Variants in GALNT13 observed in about 807,000 individuals in gnomAD.
GALNT13 encodes the protein polypeptide N-acetylgalactosaminyltransferase 13.
GALNT13 carries 28 observed loss-of-function variants against 64.2 expected under a neutral mutation model. That is an observed-to-expected ratio of 0.44 (90% CI 0.32 to 0.60). GALNT13 has a LOEUF of 0.60. GALNT13 is among the 20% of genes least tolerant of loss of function. GALNT13 has a pLI of 0.05. For missense variants in GALNT13, 577 were observed against 669.8 expected, an observed-to-expected ratio of 0.86 and a Z score of 1.53; for synonymous variants, 214 against 224.6, an observed-to-expected ratio of 0.95 and a Z score of 0.42.
the GALNT13 span, among the ~76,000 whole-genome samples, chr2:153,728,282 A>C: frequency 6.6e-6 from 1 of 152,324 alleles, no homozygotes. Flanking sequence ...GCTGAGTCAA[A>C]TGGTATTTCT....
At chr2:153,917,704 G>A (rs59011906) in intron 2 of GALNT13, among the ~76,000 whole-genome samples, 11,833 of 152,086 alleles carry the variant, frequency 0.078, 772 homozygotes, top group African/African-American at 0.17. Context: ...AAAAAATAGA[G>A]CTACCACACA....
At chr2:153,935,582 G>A (rs1474944834) in intron 2 of GALNT13, among the ~76,000 whole-genome samples, 1 of 152,190 alleles carries the variant, frequency 6.6e-6, no homozygotes, top group Non-Finnish European at 1.5e-5. Flanking sequence ...TGTTTAGGTG[G>A]GAGGAAGGGT....
chr2:154,135,988 C>T lies in GALNT13; in HGVS notation c.143-4349C>T, dbSNP rs567950023. Among the ~76,000 whole-genome samples the T allele has an allele frequency of 2.0e-5, 3 of 152,208 alleles. No homozygotes were observed. In the East Asian group the frequency reaches 5.8e-4, roughly 29 times the overall value. On this transcript the variant is annotated intron_variant, in intron 3 of 12. Transcript: ENST00000392825. ...AAAACCAGTATGGTTTTCTTATCTT[C>T]TGAGTCATCTATAAACAGATAATTG...
At chr2:154,392,183 G>A (rs550971009) in intron 9 of GALNT13, among the ~76,000 whole-genome samples, 272 of 152,292 alleles carry the variant, frequency 1.8e-3, no homozygotes, top group Non-Finnish European at 2.2e-3. Flanking sequence ...TGCACTGGAA[G>A]TCAATCACCA....
chr2:153,385,370 C>T, the GALNT13 span, among the ~76,000 whole-genome samples: 1 of 151,996 alleles, frequency 6.6e-6, no homozygotes, highest in Non-Finnish European at 1.5e-5. Context: ...GGAATGAGAT[C>T]CAGTCATTTG....
chr2:154,013,187 A>C (rs939815436), intron 3 of GALNT13, among the ~76,000 whole-genome samples: 13 of 151,076 alleles, frequency 8.6e-5, no homozygotes, highest in African/African-American at 2.7e-4. Context: ...GATGTTCTTT[A>C]ATCTTTGAAG....
At chr2:153,824,999 T>C in the GALNT13 span, among the ~76,000 whole-genome samples, 1 of 152,208 alleles carries the variant, frequency 6.6e-6, no homozygotes, top group Non-Finnish European at 1.5e-5. Flanking sequence ...TACCCAGTTC[T>C]TTTCTTTATA....
chr2:153,613,129 A>G, the GALNT13 span, among the ~76,000 whole-genome samples: 2 of 152,148 alleles, frequency 1.3e-5, no homozygotes, highest in African/African-American at 2.4e-5. Context: ...AAAGCACCCT[A>G]ACTGATACAG....
At chr2:153,338,789 C>A in the GALNT13 span, among the ~76,000 whole-genome samples, 1 of 152,132 alleles carries the variant, frequency 6.6e-6, no homozygotes, top group African/African-American at 2.4e-5. Context: ...TGCCCCTCGC[C>A]CTTGGCCTCT....
chr2:154,114,833 G>A (rs1340088653), intron 3 of GALNT13, among the ~76,000 whole-genome samples: 1 of 152,176 alleles, frequency 6.6e-6, no homozygotes, highest in African/African-American at 2.4e-5. Flanking sequence ...ACAAGTCAGA[G>A]TATTTTTAAT....
the GALNT13 span, among the ~76,000 whole-genome samples, chr2:153,106,543 A>T: frequency 2.0e-5 from 3 of 152,154 alleles, no homozygotes; most frequent in African/African-American, 7.2e-5. Flanking sequence ...AATAAAAATG[A>T]TGCAGTCCAT....
chr2:153,790,420 G>A, the GALNT13 span, among the ~76,000 whole-genome samples: 23 of 151,570 alleles, frequency 1.5e-4, no homozygotes, highest in African/African-American at 5.3e-4. Context: ...TTAAAAAACT[G>A]TCAATAAACT....
At chr2:153,220,212 C>T in the GALNT13 span, among the ~76,000 whole-genome samples, 2 of 152,150 alleles carry the variant, frequency 1.3e-5, no homozygotes, top group African/African-American at 4.8e-5. Flanking sequence ...GCTCTCTCCA[C>T]CCACCAGGAA....
At chr2:153,510,839 G>T in the GALNT13 span, among the ~76,000 whole-genome samples, 2 of 151,928 alleles carry the variant, frequency 1.3e-5, no homozygotes, top group Admixed American at 6.6e-5. Flanking sequence ...GAGAGCCGTG[G>T]TGTAGGTTTC....
the GALNT13 span, among the ~76,000 whole-genome samples, chr2:153,194,123 T>G: frequency 6.6e-6 from 1 of 152,174 alleles, no homozygotes; most frequent in Non-Finnish European, 1.5e-5. Context: ...CCTTTATCTG[T>G]ATGTCTAAAT....
At chr2:153,772,555 T>C in the GALNT13 span, among the ~76,000 whole-genome samples, 6 of 152,320 alleles carry the variant, frequency 3.9e-5, no homozygotes, top group East Asian at 1.2e-3. Context: ...TGAATTCTCA[T>C]TTTCCTTCTT....
In GALNT13 at chr2:154,244,679, G is replaced by A. The variant is rs536515033; in HGVS notation, c.687-1133G>A. On this transcript the variant is annotated intron_variant, in intron 6 of 12. Transcript: ENST00000392825. The stretch of plus-strand genomic sequence containing the variant: ...TACTTGTGGAAATCACAGAAGGTTG[G>A]TCCCATAATAAAATAAATGAACAGG... Among the ~76,000 whole-genome samples the A allele has an allele frequency of 9.4e-4, 143 of 152,222 alleles. 1 individual carries two copies. The highest frequency in any genetic ancestry group is 3.3e-3 in the African/African-American group (139 of 41,530).
intron 11 of GALNT13, among the ~76,000 whole-genome samples, chr2:154,438,380 C>G (rs1701102929): frequency 6.6e-6 from 1 of 152,054 alleles, no homozygotes; most frequent in Non-Finnish European, 1.5e-5. Flanking sequence ...AAACTGAGGC[C>G]TCACCAAAAC....
chr2:154,178,624 A>G (rs963091397), intron 4 of GALNT13, among the ~76,000 whole-genome samples: 1 of 152,176 alleles, frequency 6.6e-6, no homozygotes, highest in Middle Eastern at 3.2e-3. Flanking sequence ...AGTTGGTCAC[A>G]AAGTCCTTAA....
Sources: gnomAD v4.1 joint callset for allele counts (sites outside exome capture counted in the v4.1 genomes callset) on GRCh38, gnomAD v4.1.1 for gene constraint, MANE v1.5 for transcripts, NCBI Gene and HGNC (gene_info 2026-07-23, HGNC 2026-07-21) for gene names.